CDH22: variants seen among roughly 807,000 people sequenced by gnomAD.
CDH22 encodes cadherin-22.
Under a neutral mutation model 58.4 loss-of-function variants are expected in CDH22, and 30 were observed. The ratio of observed to expected loss-of-function variants is 0.51; its 90% CI spans 0.38 to 0.70. The LOEUF (loss-of-function observed/expected upper bound fraction) is 0.70, where lower values mean the gene tolerates loss of function less well. Ranked by LOEUF, CDH22 falls within the 30% of genes least tolerant of loss-of-function variation. The pLI is 0.00. For synonymous variants in CDH22, 513 were observed against 558.2 expected (o/e 0.92, Z 1.14); for missense variants, 1,014 against 1,233.9 (o/e 0.82, Z 2.67).
chr20:46,285,095 C>T (rs902382995), intron 1 of CDH22, among the ~76,000 whole-genome samples: 1 of 152,188 alleles, frequency 6.6e-6, no homozygotes, highest in Non-Finnish European at 1.5e-5. Context: ...CTGGTGGGGA[C>T]TCATTGGTTC....
At chr20:46,269,601 C>G (rs1485522606) in intron 1 of CDH22, among the ~76,000 whole-genome samples, 1 of 152,218 alleles carries the variant, frequency 6.6e-6, no homozygotes, top group African/African-American at 2.4e-5. Context: ...GACGTCAGAG[C>G]CATGCTCCGA....
intron 4 of CDH22, among the ~76,000 whole-genome samples, chr20:46,217,292 A>G (rs961484586): frequency 1.2e-4 from 19 of 152,234 alleles, no homozygotes; most frequent in Admixed American, 1.0e-3. Flanking sequence ...GGATGCAGAT[A>G]CTCACACATA....
At chr20:46,282,301 G>A (rs1326604585) in intron 1 of CDH22, among the ~76,000 whole-genome samples, 1 of 152,070 alleles carries the variant, frequency 6.6e-6, no homozygotes, top group Non-Finnish European at 1.5e-5. Flanking sequence ...CCCGGGGGGT[G>A]GGAGCAGCAC....
chr20:46,298,493 G>T (rs1328139639), intron 1 of CDH22, among the ~76,000 whole-genome samples: 1 of 152,226 alleles, frequency 6.6e-6, no homozygotes, highest in Non-Finnish European at 1.5e-5. Flanking sequence ...GGAAAGAAAG[G>T]TGGTGATACA....
Position 46,252,180 on chromosome 20 carries a change from C to T in CDH22, c.-399-487G>A, listed in dbSNP as rs1263351306. 3.3e-5 allele frequency among the ~76,000 whole-genome samples: 5 copies of T among 152,222 alleles called. No individual in the cohort carries two copies. In the South Asian group the frequency reaches 6.2e-4, roughly 19 times the overall value. On this transcript the variant is annotated intron_variant, in intron 1 of 11. Coordinates refer to ENST00000537909, the MANE Select transcript of CDH22 (RefSeq NM_021248.3). ...CAAATATGCCTGCCTTCCTATCCAT[C>T]GCAGCACAGACAGGTCATTCCATCT...
chr20:46,192,826 G>A (rs889551904), intron 8 of CDH22, among the ~76,000 whole-genome samples: 21 of 152,054 alleles, frequency 1.4e-4, no homozygotes, highest in African/African-American at 4.1e-4. Flanking sequence ...ACAGTGAGGC[G>A]CACGGGACGA....
chr20:46,254,347 G>T (rs1292922408), intron 1 of CDH22, among the ~76,000 whole-genome samples: 1 of 152,058 alleles, frequency 6.6e-6, no homozygotes, highest in African/African-American at 2.4e-5. Flanking sequence ...TTTAGGTCAG[G>T]AGTTCGAGAC....
At chr20:46,190,763 G>T (rs908812294) in intron 8 of CDH22, among the ~76,000 whole-genome samples, 1 of 152,156 alleles carries the variant, frequency 6.6e-6, no homozygotes, top group Admixed American at 6.5e-5. Context: ...GCTTTGGCCC[G>T]GTGCTTCCTC....
At chr20:46,193,737 G>A (rs1194734580) in intron 8 of CDH22, among the ~76,000 whole-genome samples, 1 of 152,106 alleles carries the variant, frequency 6.6e-6, no homozygotes, top group Non-Finnish European at 1.5e-5. Context: ...AGACATCCAA[G>A]CTCCCAGGCC....
At chr20:46,255,010 A>G (rs938938262) in intron 1 of CDH22, among the ~76,000 whole-genome samples, 30 of 152,052 alleles carry the variant, frequency 2.0e-4, no homozygotes, top group Non-Finnish European at 3.7e-4. Flanking sequence ...CCAACTTTAT[A>G]TATTTTTAAA....
chr20:46,188,645 G>T (rs2085843178), intron 8 of CDH22, among the ~76,000 whole-genome samples: 1 of 152,090 alleles, frequency 6.6e-6, no homozygotes, highest in Non-Finnish European at 1.5e-5. Context: ...ATTCTCGAAG[G>T]GTCCTATTAG....
At chr20:46,258,159 G>A (rs2086415499) in intron 1 of CDH22, among the ~76,000 whole-genome samples, 2 of 152,160 alleles carry the variant, frequency 1.3e-5, no homozygotes, top group South Asian at 4.1e-4. Flanking sequence ...TGCTGGCAGT[G>A]ACTTGGTGGA....
chr20:46,274,562 A>G (rs2086508207), intron 1 of CDH22, among the ~76,000 whole-genome samples: 1 of 152,214 alleles, frequency 6.6e-6, no homozygotes. Context: ...ACGATCCAGC[A>G]GTTTCATTCC....
chr20:46,217,200 A>G (rs906275228), intron 4 of CDH22, among the ~76,000 whole-genome samples: 3 of 152,084 alleles, frequency 2.0e-5, no homozygotes, highest in Non-Finnish European at 4.4e-5. Context: ...TCATACAGAT[A>G]CAGATACACA....
In CDH22 at chr20:46,210,992, CAGTAA is replaced by C. The variant is rs2086039475; in HGVS notation, c.1033-437_1033-433del. Among the ~76,000 whole-genome samples the C allele has an allele frequency of 6.6e-6, 1 of 152,222 alleles. No homozygotes were observed. The highest frequency in any genetic ancestry group is 2.1e-4 in the South Asian group (1 of 4,836). ...GAGGAAAACGAGGCCCAGAAAGGCT[CAGTAA>C]CTTGCCCAAGTCACCGGGCAGTGAG... is the stretch of plus-strand genomic sequence containing the variant. On this transcript the variant is annotated intron_variant, in intron 6 of 11. Coordinates refer to ENST00000537909, the MANE Select transcript of CDH22 (RefSeq NM_021248.3). This position sits in a 1 kb window ranked among gnomAD's most constrained non-coding sequence, Gnocchi z 4.5.
chr20:46,174,250 C>T lies in CDH22; in HGVS notation c.*256G>A, dbSNP rs905253453. The stretch of plus-strand genomic sequence containing the variant: ...CCACCCCCATCTCCCATTCTAACCC[C>T]AGAGCCACACCGTGCCCGGTCTCGC... On this transcript the variant is annotated 3_prime_UTR_variant, in exon 12 of 12. Coordinates refer to ENST00000537909, the MANE Select transcript of CDH22 (RefSeq NM_021248.3). This position sits in a 1 kb window ranked among gnomAD's most constrained non-coding sequence, Gnocchi z 4.4. 13 of 476,724 alleles carry T rather than the reference C, an allele frequency of 2.7e-5. No homozygotes were observed. Among genetic ancestry groups the T allele is most frequent in the Non-Finnish European group, 4.4e-5 (12 of 274,088 alleles). The allele number at this position is 476,724 out of a possible 1,614,324, so 29.5% of individuals were successfully genotyped here.
chr20:46,278,328 A>C (rs965005759), intron 1 of CDH22, among the ~76,000 whole-genome samples: 1 of 152,160 alleles, frequency 6.6e-6, no homozygotes, highest in Non-Finnish European at 1.5e-5. Context: ...GGTGCATTGC[A>C]TGACCTTCAG....
chr20:46,218,622 C>G (rs1231566533), intron 4 of CDH22, among the ~76,000 whole-genome samples: 2 of 152,310 alleles, frequency 1.3e-5, no homozygotes, highest in African/African-American at 2.4e-5. Flanking sequence ...CCTCCCACAA[C>G]CAAATTATCC....
At chr20:46,204,688 T>A (rs2085987730) in intron 7 of CDH22, among the ~76,000 whole-genome samples, 1 of 152,206 alleles carries the variant, frequency 6.6e-6, no homozygotes, top group Non-Finnish European at 1.5e-5. Context: ...AGCTCCCATG[T>A]CTGTTCAGAG....
Sources: allele counts gnomAD v4.1 joint callset (sites outside exome capture counted in the v4.1 genomes callset), GRCh38; gene constraint gnomAD v4.1.1; non-coding constraint Gnocchi (gnomAD v3.1); transcripts MANE v1.5; gene names NCBI Gene and HGNC (gene_info 2026-07-23, HGNC 2026-07-21).